PTPRM: variants seen among roughly 807,000 people sequenced by gnomAD.
The protein encoded by PTPRM is protein tyrosine phosphatase receptor type M.
Under a neutral mutation model 186.7 loss-of-function variants are expected in PTPRM, and 47 were observed. The ratio of observed to expected loss-of-function variants is 0.25; its 90% confidence interval spans 0.20 to 0.32. PTPRM has a LOEUF of 0.32. PTPRM is among the 10% of genes least tolerant of loss of function. The pLI, the probability that PTPRM is intolerant of heterozygous loss-of-function variation, is 1.00. For missense variants in PTPRM, 1,494 were observed against 1,865.0 expected (o/e 0.80, Z 3.66); for synonymous variants, 668 against 674.9 (o/e 0.99, Z 0.16).
At chr18:7,894,102 A>G (rs753516203) in intron 3 of PTPRM, among the ~76,000 whole-genome samples, 11 of 152,274 alleles carry the variant, frequency 7.2e-5, no homozygotes, top group Non-Finnish European at 1.5e-4. Flanking sequence ...TCCCTAGTCC[A>G]TGGGGCCAGC....
intron 7 of PTPRM, among the ~76,000 whole-genome samples, chr18:8,024,681 C>CTTTTTTTTTTTTT (rs397724573): frequency 8.0e-6 from 1 of 124,838 alleles, no homozygotes. Context: ...AAACCCAAAT[C>CTTTTTTTTTTTTT]TTTTTTTTTT....
chr18:7,831,674 T>C (rs1048400571), intron 2 of PTPRM, among the ~76,000 whole-genome samples: 1 of 152,188 alleles, frequency 6.6e-6, no homozygotes, highest in Non-Finnish European at 1.5e-5. Flanking sequence ...CTATTGACTG[T>C]AGTCACACTA....
At chr18:8,279,979 G>A (rs1320001494) in intron 19 of PTPRM, among the ~76,000 whole-genome samples, 1 of 152,170 alleles carries the variant, frequency 6.6e-6, no homozygotes. Flanking sequence ...TTCATATGTT[G>A]GCATTCAGGG....
At chr18:8,290,414 A>G (rs75657150) in intron 19 of PTPRM, among the ~76,000 whole-genome samples, 1 of 151,766 alleles carries the variant, frequency 6.6e-6, no homozygotes, top group East Asian at 1.9e-4. Flanking sequence ...TCCTTTTTTA[A>G]TATCTAGGAG....
intron 19 of PTPRM, among the ~76,000 whole-genome samples, chr18:8,276,106 G>A (rs1210899525): frequency 4.6e-5 from 7 of 151,884 alleles, no homozygotes; most frequent in Non-Finnish European, 7.4e-5. Context: ...CTTTAGGTTG[G>A]TTCCACTAGG....
intron 20 of PTPRM, among the ~76,000 whole-genome samples, chr18:8,302,331 C>T (rs1019708528): frequency 6.6e-6 from 1 of 152,028 alleles, no homozygotes; most frequent in African/African-American, 2.4e-5. Context: ...CGGGGAGCCC[C>T]TTGGGTCTGA....
rs192272097 is a variant in PTPRM, at chr18:7,983,846, A to G, written c.1132+28432A>G. On this transcript the variant is annotated intron_variant, in intron 7 of 32. Transcript: ENST00000580170. ...CTTTACTGTCACATAAAAACGTGCC[A>G]TAGTAAAATAAAGTAACAAAGCTGT... Among the ~76,000 whole-genome samples, 6 of 152,310 alleles carry G rather than the reference A, an allele frequency of 3.9e-5. No individual in the cohort carries two copies. In the East Asian group the frequency reaches 7.7e-4, roughly 20 times the overall value.
chr18:8,300,682 A>G (rs573086984), intron 20 of PTPRM, among the ~76,000 whole-genome samples: 4 of 151,608 alleles, frequency 2.6e-5, no homozygotes, highest in African/African-American at 9.7e-5. Context: ...TTTACCCATG[A>G]CCTCTGGGGC....
chr18:8,292,527 G>C (rs937111567), intron 19 of PTPRM, among the ~76,000 whole-genome samples: 15 of 152,214 alleles, frequency 9.9e-5, no homozygotes, highest in Non-Finnish European at 1.8e-4. Flanking sequence ...CACCCTATCT[G>C]TATGGAGTCA....
intron 3 of PTPRM, among the ~76,000 whole-genome samples, chr18:7,892,648 A>T (rs1299791923): frequency 6.6e-6 from 1 of 152,182 alleles, no homozygotes; most frequent in Non-Finnish European, 1.5e-5. Context: ...TGCTTCATTG[A>T]TATCTTAGTC....
intron 14 of PTPRM, among the ~76,000 whole-genome samples, chr18:8,240,788 GAGA>G (rs1568584668): frequency 0.015 from 1,153 of 75,240 alleles, 39 homozygotes; most frequent in African/African-American, 0.052. Flanking sequence ...GAGAGAGAGA[GAGA>G]GAGAGAGAGA....
intron 1 of PTPRM, among the ~76,000 whole-genome samples, chr18:7,626,984 A>C (rs1348289744): frequency 6.6e-6 from 1 of 151,866 alleles, no homozygotes. Flanking sequence ...AGTGCATCAC[A>C]CTCAGCTCAC....
At chr18:7,671,993 A>C (rs2039227464) in intron 1 of PTPRM, among the ~76,000 whole-genome samples, 1 of 152,224 alleles carries the variant, frequency 6.6e-6, no homozygotes, top group South Asian at 2.1e-4. Context: ...CCCTCCTCAA[A>C]GCATTCAGCC....
At chr18:8,005,429 C>T (rs1476596654) in intron 7 of PTPRM, among the ~76,000 whole-genome samples, 1 of 152,202 alleles carries the variant, frequency 6.6e-6, no homozygotes, top group Non-Finnish European at 1.5e-5. Context: ...AATATTGCCT[C>T]ACTTTGATAC....
intron 7 of PTPRM, among the ~76,000 whole-genome samples, chr18:8,011,112 G>A (rs1026293524): frequency 1.3e-5 from 2 of 152,132 alleles, no homozygotes; most frequent in South Asian, 4.1e-4. Context: ...TGTCTATTCC[G>A]GACAGAACAG....
intron 13 of PTPRM, chr18:8,122,142 C>T (rs1032854068): frequency 3.9e-5 from 6 of 152,170 alleles, no homozygotes; most frequent in Non-Finnish European, 5.9e-5. Context: ...AAAGTTGAGA[C>T]AATTTGATAT....
At chr18:8,342,462 T>TA (rs2095480242) in intron 22 of PTPRM, among the ~76,000 whole-genome samples, 1 of 152,186 alleles carries the variant, frequency 6.6e-6, no homozygotes, top group African/African-American at 2.4e-5. Flanking sequence ...CAAATTCAAA[T>TA]ATTTGAGCTC....
chr18:7,935,645 G>C (rs2051759239), intron 5 of PTPRM, among the ~76,000 whole-genome samples: 1 of 152,140 alleles, frequency 6.6e-6, no homozygotes, highest in Non-Finnish European at 1.5e-5. Context: ...CTTGAAATTG[G>C]ACTTTTTATT....
chr18:8,176,943 A>C lies in PTPRM; in HGVS notation c.2300+33164A>C, dbSNP rs187324168. ...TGTGGATCAGATTGAGCAGAAATAC[A>C]TCTGCTTCTTTTCTATCTTGTCTTT... On this transcript the variant is annotated intron_variant, in intron 14 of 32. Transcript: ENST00000580170. Among the ~76,000 whole-genome samples, 4 of 152,314 alleles carry C rather than the reference A, an allele frequency of 2.6e-5. No individual in the cohort carries two copies. The East Asian group carries it at 7.7e-4, about 29-fold the overall frequency.
Sources: allele counts gnomAD v4.1 joint callset (sites outside exome capture counted in the v4.1 genomes callset), GRCh38; gene constraint gnomAD v4.1.1; transcripts MANE v1.5; gene names NCBI Gene and HGNC (gene_info 2026-07-23, HGNC 2026-07-21).